Variants in KCNAB1 observed in about 807,000 individuals in gnomAD.
KCNAB1 encodes potassium voltage-gated channel subfamily A regulatory beta subunit 1.
Under a neutral mutation model 64.6 loss-of-function variants are expected in KCNAB1, and 35 were observed. The observed-to-expected ratio is 0.54, with a 90% CI of 0.41 to 0.72. KCNAB1 has a LOEUF of 0.72. Among genes scored for constraint, KCNAB1 ranks in the 30% least tolerant of loss-of-function variants. KCNAB1 has a pLI of 0.00. For missense variants in KCNAB1, 401 were observed against 512.9 expected (o/e 0.78, Z 2.11); for synonymous variants, 177 against 183.8 (o/e 0.96, Z 0.30).
chr3:156,492,601 G>T (rs1408158290), intron 8 of KCNAB1, among the ~76,000 whole-genome samples: 1 of 152,076 alleles, frequency 6.6e-6, no homozygotes, highest in Non-Finnish European at 1.5e-5. Context: ...GACTACAACT[G>T]CAGGAGGAGT....
intron 1 of KCNAB1, chr3:156,176,736 G>T: frequency 1.1e-6 from 1 of 927,182 alleles, no homozygotes; most frequent in Non-Finnish European, 1.8e-6. Context: ...CAGCATGATT[G>T]GGGCTTGAAG....
At chr3:156,237,652 C>T (rs949348001) in intron 1 of KCNAB1, among the ~76,000 whole-genome samples, 4 of 152,124 alleles carry the variant, frequency 2.6e-5, no homozygotes, top group Non-Finnish European at 5.9e-5. Flanking sequence ...CATGTGCTTT[C>T]CTTTGCCTGA....
chr3:156,157,987 C>T (rs1197968457), intron 1 of KCNAB1, among the ~76,000 whole-genome samples: 2 of 151,592 alleles, frequency 1.3e-5, no homozygotes, highest in South Asian at 2.1e-4. Flanking sequence ...CACGGTGAAA[C>T]CCCGTCTCTA....
At chr3:156,211,990 C>T (rs908169948) in intron 1 of KCNAB1, among the ~76,000 whole-genome samples, 3 of 152,154 alleles carry the variant, frequency 2.0e-5, no homozygotes, top group Admixed American at 6.5e-5. Flanking sequence ...TGTGGCTGCA[C>T]AGAGAGTTTT....
chr3:156,330,561 T>C (rs953956741), intron 1 of KCNAB1, among the ~76,000 whole-genome samples: 19 of 152,336 alleles, frequency 1.2e-4, no homozygotes, highest in African/African-American at 3.6e-4. Flanking sequence ...ACCTTGAGAC[T>C]ATTTTCACTT....
intron 1 of KCNAB1, among the ~76,000 whole-genome samples, chr3:156,256,316 A>G (rs1044083552): frequency 3.9e-5 from 6 of 152,228 alleles, no homozygotes; most frequent in African/African-American, 1.4e-4. Context: ...CATTTTGATT[A>G]AAAAGAAATA....
intron 1 of KCNAB1, among the ~76,000 whole-genome samples, chr3:156,420,821 C>T (rs549597509): frequency 2.6e-5 from 4 of 152,240 alleles, no homozygotes; most frequent in Non-Finnish European, 4.4e-5. Context: ...CAAATGCATA[C>T]TAGAGCTCCT....
intron 1 of KCNAB1, among the ~76,000 whole-genome samples, chr3:156,280,941 T>C (rs1719673507): frequency 6.7e-6 from 1 of 148,822 alleles, no homozygotes; most frequent in African/African-American, 2.5e-5. Flanking sequence ...CTTTTCCTAA[T>C]TGAATACCCT....
At chr3:156,475,910 A>G (rs1197616357) in intron 8 of KCNAB1, among the ~76,000 whole-genome samples, 4 of 152,198 alleles carry the variant, frequency 2.6e-5, no homozygotes, top group Non-Finnish European at 5.9e-5. Flanking sequence ...TAAAATATAT[A>G]TAGTCTTATA....
At chr3:156,431,579 A>T (rs1402799960) in intron 2 of KCNAB1, among the ~76,000 whole-genome samples, 1 of 152,234 alleles carries the variant, frequency 6.6e-6, no homozygotes, top group Non-Finnish European at 1.5e-5. Context: ...GCAGACATTC[A>T]TAGGAATGCC....
At chr3:156,535,874 A>G (rs1000425189) in intron 13 of KCNAB1, among the ~76,000 whole-genome samples, 2 of 152,098 alleles carry the variant, frequency 1.3e-5, no homozygotes, top group African/African-American at 4.8e-5. Flanking sequence ...TTACTCCTAG[A>G]TCAGAAGTCC....
At chr3:156,194,370 T>G (rs928435783) in intron 1 of KCNAB1, among the ~76,000 whole-genome samples, 2 of 152,152 alleles carry the variant, frequency 1.3e-5, no homozygotes, top group Non-Finnish European at 2.9e-5. Context: ...AATTACAGAT[T>G]GAAAAGTTTT....
intron 12 of KCNAB1, among the ~76,000 whole-genome samples, chr3:156,527,080 G>T (rs1718358277): frequency 6.6e-6 from 1 of 152,096 alleles, no homozygotes; most frequent in Non-Finnish European, 1.5e-5. Flanking sequence ...GATTTTAGAG[G>T]GGGGAAAATG....
At chr3:156,239,618 C>T (rs1020523255) in intron 1 of KCNAB1, among the ~76,000 whole-genome samples, 2 of 152,180 alleles carry the variant, frequency 1.3e-5, no homozygotes, top group African/African-American at 2.4e-5. Flanking sequence ...ACCAGTAGCA[C>T]CTGCAGTCCT....
At chr3:156,154,110 A>G (rs557472854) in intron 1 of KCNAB1, among the ~76,000 whole-genome samples, 27 of 152,354 alleles carry the variant, frequency 1.8e-4, no homozygotes, top group African/African-American at 6.3e-4. Flanking sequence ...TACCTTGACC[A>G]GAATGAGACA....
chr3:156,462,453 G>A (rs1712993135), intron 5 of KCNAB1, among the ~76,000 whole-genome samples: 1 of 152,202 alleles, frequency 6.6e-6, no homozygotes, highest in East Asian at 1.9e-4. Flanking sequence ...TAGGTATCAT[G>A]AGGTTGATGT....
At chr3:156,308,140 C>G (rs1721635697) in intron 1 of KCNAB1, among the ~76,000 whole-genome samples, 1 of 152,144 alleles carries the variant, frequency 6.6e-6, no homozygotes, top group Non-Finnish European at 1.5e-5. Flanking sequence ...TGATAACTTT[C>G]AGTAATAGAT....
chr3:156,361,189 TC>T (rs1052184138), intron 1 of KCNAB1, among the ~76,000 whole-genome samples: 1 of 151,990 alleles, frequency 6.6e-6, no homozygotes, highest in African/African-American at 2.4e-5. Flanking sequence ...TGCCACACCA[TC>T]CCCCGGGATG....
chr3:156,160,221 A>G (rs1430758815), intron 1 of KCNAB1, among the ~76,000 whole-genome samples: 4 of 152,236 alleles, frequency 2.6e-5, no homozygotes. Flanking sequence ...CAAATTTTAG[A>G]GACAGGCAGA....
Sources: gnomAD v4.1 joint callset for allele counts (sites outside exome capture counted in the v4.1 genomes callset) on GRCh38, gnomAD v4.1.1 for gene constraint, MANE v1.5 for transcripts, NCBI Gene and HGNC (gene_info 2026-07-23, HGNC 2026-07-21) for gene names.